The following EPHA5 variants were observed in gnomAD, a reference collection of about 807,000 sequenced individuals.
The protein encoded by EPHA5 is ephrin type-A receptor 5.
A neutral mutation model predicts 105.0 loss-of-function variants in EPHA5; 60 were observed. That is an observed-to-expected ratio of 0.57 (90% CI 0.46 to 0.71). The LOEUF (loss-of-function observed/expected upper bound fraction) is 0.71, where lower values mean the gene tolerates loss of function less well. Among genes scored for constraint, EPHA5 ranks in the 30% least tolerant of loss-of-function variants. EPHA5 has a pLI of 0.00. For missense variants in EPHA5, 1,218 were observed against 1,274.7 expected, an observed-to-expected ratio of 0.96 and a Z score of 0.68; for synonymous variants, 513 against 449.1, an observed-to-expected ratio of 1.14 and a Z score of -1.80.
intron 16 of EPHA5, among the ~76,000 whole-genome samples, chr4:65,326,490 G>T (rs1214463975): frequency 6.6e-6 from 1 of 151,314 alleles, no homozygotes; most frequent in African/African-American, 2.4e-5. Context: ...CTGAGGCTAT[G>T]GTCACCAAAT....
chr4:65,344,419 T>C (rs1722023941), intron 14 of EPHA5, among the ~76,000 whole-genome samples: 1 of 152,164 alleles, frequency 6.6e-6, no homozygotes, highest in Non-Finnish European at 1.5e-5. Context: ...TGGTGTATAA[T>C]TGTGTCTGTG....
chr4:65,648,514 A>G (rs1748325996), intron 1 of EPHA5, among the ~76,000 whole-genome samples: 1 of 152,242 alleles, frequency 6.6e-6, no homozygotes, highest in Non-Finnish European at 1.5e-5. Context: ...ATTAGAAGTC[A>G]TATTCTTACT....
intron 5 of EPHA5, among the ~76,000 whole-genome samples, chr4:65,478,962 C>T (rs563598188): frequency 6.6e-6 from 1 of 152,144 alleles, no homozygotes; most frequent in Non-Finnish European, 1.5e-5. Context: ...TCTGTAGAAT[C>T]ATGGTCCTAC....
intron 5 of EPHA5, among the ~76,000 whole-genome samples, chr4:65,437,634 T>A (rs999400092): frequency 6.6e-6 from 1 of 151,968 alleles, no homozygotes; most frequent in Admixed American, 6.6e-5. Flanking sequence ...CATAGGATTT[T>A]AATCATGTTG....
intron 5 of EPHA5, among the ~76,000 whole-genome samples, chr4:65,455,592 G>A (rs905052239): frequency 6.6e-6 from 1 of 152,068 alleles, no homozygotes; most frequent in Non-Finnish European, 1.5e-5. Context: ...ATTGATACAT[G>A]CAAGAGAAAC....
intron 4 of EPHA5, among the ~76,000 whole-genome samples, chr4:65,491,873 C>A (rs1731435287): frequency 6.6e-6 from 1 of 152,038 alleles, no homozygotes; most frequent in South Asian, 2.1e-4. Flanking sequence ...ACACTAGAGT[C>A]AATGTTTAGA....
chr4:65,643,282 T>C, intron 2 of EPHA5, 81 bp downstream of exon 2: 2 of 1,113,848 alleles, frequency 1.8e-6, no homozygotes. Context: ...ATACATCCAG[T>C]ACATATTCAT....
chr4:65,571,863 T>G (rs2149376651), intron 3 of EPHA5, among the ~76,000 whole-genome samples: 1 of 152,190 alleles, frequency 6.6e-6, no homozygotes, highest in South Asian at 2.1e-4. Flanking sequence ...TTCCAAATAT[T>G]ATGTCTATAT....
intron 5 of EPHA5, among the ~76,000 whole-genome samples, chr4:65,436,171 A>T (rs1725464890): frequency 6.6e-6 from 1 of 152,010 alleles, no homozygotes. Context: ...GTTTGGACAT[A>T]TTCATCTTTT....
At position 65,380,559 on chromosome 4, in the gene EPHA5, T is replaced by C. The variant is rs113500095; in HGVS notation, c.1794-13135A>G. Among the ~76,000 whole-genome samples, 741 of 151,654 alleles carry C rather than the reference T, an allele frequency of 4.9e-3. 11 individuals are homozygous for C. The highest frequency in any genetic ancestry group is 0.017 in the African/African-American group (689 of 41,424). ...ATGACTTAAATTCTTAAACAAGAGATCATAGAATTGGATAATAAAAACACT... is the reference window on the plus strand; with the variant it reads ...ATGACTTAAATTCTTAAACAAGAGACCATAGAATTGGATAATAAAAACACT... On this transcript the variant is annotated intron_variant, in intron 8 of 16. Transcript: ENST00000613740.
intron 16 of EPHA5, among the ~76,000 whole-genome samples, chr4:65,325,016 A>G (rs1403511360): frequency 1.3e-5 from 2 of 151,436 alleles, no homozygotes; most frequent in African/African-American, 4.8e-5. Flanking sequence ...TAGGAATGCT[A>G]TTCCCCTAAA....
At chr4:65,370,182 A>G (rs539787469) in intron 8 of EPHA5, among the ~76,000 whole-genome samples, 1 of 152,260 alleles carries the variant, frequency 6.6e-6, no homozygotes, top group South Asian at 2.1e-4. Flanking sequence ...TCCTTAAGAC[A>G]TCTTAAATCA....
At chr4:65,518,210 T>C (rs1027595693) in intron 3 of EPHA5, among the ~76,000 whole-genome samples, 2 of 152,066 alleles carry the variant, frequency 1.3e-5, no homozygotes, top group Middle Eastern at 3.4e-3. Context: ...TTAAGGAGAG[T>C]AAATTCATAT....
intron 12 of EPHA5, 133 bp downstream of exon 12, chr4:65,352,909 A>G (rs556835701): frequency 1.7e-4 from 73 of 425,324 alleles, no homozygotes; most frequent in African/African-American, 1.4e-3. Context: ...GGCTCCATAA[A>G]TTTCTGTTCT....
intron 3 of EPHA5, among the ~76,000 whole-genome samples, chr4:65,554,176 G>T (rs2149344871): frequency 6.7e-6 from 1 of 149,896 alleles, no homozygotes; most frequent in South Asian, 2.1e-4. Context: ...TGAGAAACTT[G>T]TACTTTTGCT....
At chr4:65,354,803 A>T (rs1723144342) in intron 11 of EPHA5, among the ~76,000 whole-genome samples, 1 of 151,874 alleles carries the variant, frequency 6.6e-6, no homozygotes, top group Non-Finnish European at 1.5e-5. Flanking sequence ...TTTTAGTCCC[A>T]TATCACTTAA....
intron 3 of EPHA5, among the ~76,000 whole-genome samples, chr4:65,590,523 T>C (rs1397262166): frequency 6.6e-6 from 1 of 152,174 alleles, no homozygotes; most frequent in Non-Finnish European, 1.5e-5. Flanking sequence ...GGGTTAGTAA[T>C]TCCATGCCTT....
intron 10 of EPHA5, among the ~76,000 whole-genome samples, chr4:65,365,649 C>CTATATATATATATATATATATATA (rs57048004): frequency 1.5e-5 from 1 of 64,852 alleles, no homozygotes; most frequent in Non-Finnish European, 3.5e-5. Flanking sequence ...TACAAATTCA[C>CTATATATATATATATATATATATA]TATATATATA....
At chr4:65,334,599 T>G (rs1720992174) in intron 15 of EPHA5, among the ~76,000 whole-genome samples, 1 of 151,910 alleles carries the variant, frequency 6.6e-6, no homozygotes. Flanking sequence ...AACTAACAAT[T>G]TCTAGAGTCA....
Sources: gnomAD v4.1 joint callset for allele counts (sites outside exome capture counted in the v4.1 genomes callset) on GRCh38, gnomAD v4.1.1 for gene constraint, MANE v1.5 for transcripts, NCBI Gene and HGNC (gene_info 2026-07-23, HGNC 2026-07-21) for gene names.